The following FAM83A variants were observed in gnomAD, a reference collection of about 807,000 sequenced individuals.
FAM83A encodes the protein protein FAM83A.
A neutral mutation model predicts 24.4 loss-of-function variants in FAM83A; 21 were observed. That is an observed-to-expected ratio of 0.86 (90% confidence interval 0.61 to 1.24). FAM83A has a LOEUF of 1.24. Among genes scored for constraint, FAM83A ranks in the 50% most tolerant of loss-of-function variants. The pLI is 0.00. For missense variants in FAM83A, 617 were observed against 579.8 expected, an observed-to-expected ratio of 1.06 and a Z score of -0.66; for synonymous variants, 270 against 252.4, an observed-to-expected ratio of 1.07 and a Z score of -0.66.
intron 1 of FAM83A, among the ~76,000 whole-genome samples, chr8:123,185,846 G>A (rs529763300): frequency 2.0e-5 from 3 of 152,230 alleles, no homozygotes; most frequent in East Asian, 1.9e-4. Flanking sequence ...GCTGGAGTGC[G>A]TTGGCTCGAT....
intron 1 of FAM83A, 72 bp downstream of exon 1, chr8:123,183,408 G>C (rs953385177): frequency 6.5e-6 from 10 of 1,539,564 alleles, no homozygotes; most frequent in Non-Finnish European, 8.7e-6. Flanking sequence ...AGCAGGGAGG[G>C]GGGTGCATTT....
At chr8:123,183,500 C>T (rs566856431) in intron 1 of FAM83A, among the ~76,000 whole-genome samples, 164 bp downstream of exon 1, 1 of 152,174 alleles carries the variant, frequency 6.6e-6, no homozygotes, top group East Asian at 1.9e-4. Context: ...CCACTGACCT[C>T]CTGATCCCAC....
At chr8:123,183,475 C>A in intron 1 of FAM83A, 139 bp downstream of exon 1, 2 of 1,329,552 alleles carry the variant, frequency 1.5e-6, no homozygotes, top group Non-Finnish European at 2.0e-6. Context: ...GCTTTGCTGT[C>A]CGCCTTGCCC....
exon 4 of FAM83A, chr8:123,207,778 C>T (rs1824615255): frequency 1.4e-6 from 2 of 1,407,990 alleles, no homozygotes; most frequent in African/African-American, 1.5e-5. Context: ...GGCGTTGAGC[C>T]ACTTCCCTTT....
chr8:123,208,373 G>A, exon 4 of FAM83A: 1 of 985,660 alleles, frequency 1.0e-6, no homozygotes, highest in Non-Finnish European at 1.2e-6. Context: ...AGGCAGGTTA[G>A]TAGACTCAGA....
chr8:123,183,087 G>A (rs1290390821), exon 1 of FAM83A: 3 of 1,613,884 alleles, frequency 1.9e-6, no homozygotes, highest in Non-Finnish European at 2.5e-6. Context: ...AGGCCAGGGA[G>A]CCCCCGTGTC....
upstream of FAM83A, chr8:123,182,148 G>A (rs556790492): frequency 1.4e-4 from 66 of 456,168 alleles, no homozygotes; most frequent in African/African-American, 1.1e-3. Flanking sequence ...GAACCTCTGC[G>A]GTCTCTGCAA....
chr8:123,200,451 C>T (rs755184434), intron 3 of FAM83A, among the ~76,000 whole-genome samples: 13 of 152,214 alleles, frequency 8.5e-5, no homozygotes, highest in Non-Finnish European at 1.8e-4. Flanking sequence ...GGGCCCTCGC[C>T]CTGGGCAGGG....
intron 3 of FAM83A, among the ~76,000 whole-genome samples, chr8:123,196,523 C>T (rs1178352113): frequency 4.6e-5 from 7 of 152,158 alleles, no homozygotes; most frequent in Non-Finnish European, 8.8e-5. Context: ...CTGCTTGCTA[C>T]GAAGCTTAAT....
intron 1 of FAM83A, among the ~76,000 whole-genome samples, chr8:123,184,605 G>A (rs1823729585): frequency 6.6e-6 from 1 of 152,138 alleles, no homozygotes; most frequent in Non-Finnish European, 1.5e-5. Context: ...ACCCTCAAGT[G>A]ATATCCTGCT....
chr8:123,190,685 G>T (rs1823946464), intron 1 of FAM83A, among the ~76,000 whole-genome samples: 1 of 152,136 alleles, frequency 6.6e-6, no homozygotes, highest in Non-Finnish European at 1.5e-5. Context: ...AAGAAGAAGA[G>T]AAACATTCAT....
intron 1 of FAM83A, 115 bp downstream of exon 1, chr8:123,183,451 C>CT: frequency 6.9e-7 from 1 of 1,451,640 alleles, no homozygotes; most frequent in Non-Finnish European, 9.2e-7. Flanking sequence ...ATAATTGGGG[C>CT]TTCGGATGGA....
At chr8:123,197,711 G>A (rs1586784256) in intron 3 of FAM83A, among the ~76,000 whole-genome samples, 1 of 152,330 alleles carries the variant, frequency 6.6e-6, no homozygotes, top group Admixed American at 6.5e-5. Context: ...GGAAGAAGGA[G>A]GTTGAGCCAA....
At chr8:123,182,893 C>T (rs754866325) in exon 1 of FAM83A, 14 of 1,527,054 alleles carry the variant, frequency 9.2e-6, no homozygotes, top group East Asian at 2.3e-5. Flanking sequence ...AATCCGGAAG[C>T]GTCTGGAAGA....
At chr8:123,182,038 C>T (rs1033755181), upstream of FAM83A, 11 of 456,218 alleles carry the variant, frequency 2.4e-5, no homozygotes, top group Non-Finnish European at 4.8e-5. Flanking sequence ...CCAACACTGA[C>T]TGGTCCCCTG....
intron 3 of FAM83A, among the ~76,000 whole-genome samples, chr8:123,194,482 A>G (rs940546514): frequency 2.1e-5 from 3 of 142,786 alleles, no homozygotes; most frequent in Non-Finnish European, 4.6e-5. Flanking sequence ...TGCACATCCC[A>G]TTGCTTTTTT....
chr8:123,195,341 T>A (rs1824113334), intron 3 of FAM83A, among the ~76,000 whole-genome samples: 1 of 152,120 alleles, frequency 6.6e-6, no homozygotes, highest in African/African-American at 2.4e-5. Context: ...GTTCCAAAGC[T>A]AGGTGAAGCC....
At chr8:123,203,729 G>A (rs979024000) in intron 3 of FAM83A, among the ~76,000 whole-genome samples, 1 of 151,874 alleles carries the variant, frequency 6.6e-6, no homozygotes, top group Admixed American at 6.6e-5. Context: ...ACTCACAAGA[G>A]CACAAGAGCA....
chr8:123,181,812 TTC>T (rs1459822410), upstream of FAM83A: 2 of 316,966 alleles, frequency 6.3e-6, no homozygotes, highest in Non-Finnish European at 1.3e-5. Flanking sequence ...TCTTCCCCAC[TTC>T]TCTCTGTACT....
Sources: gnomAD v4.1 joint callset for allele counts (sites outside exome capture counted in the v4.1 genomes callset) on GRCh38, gnomAD v4.1.1 for gene constraint, MANE v1.5 for transcripts, NCBI Gene and HGNC (gene_info 2026-07-23, HGNC 2026-07-21) for gene names.